ROBO2: variants seen among roughly 807,000 people sequenced by gnomAD.
The protein encoded by ROBO2 is roundabout homolog 2.
A neutral mutation model predicts 160.8 loss-of-function variants in ROBO2; 53 were observed. The observed-to-expected ratio is 0.33, with a 90% CI of 0.26 to 0.41. ROBO2 has a LOEUF of 0.41. Ranked by LOEUF, ROBO2 falls within the 10% of genes least tolerant of loss-of-function variation. The probability of loss-of-function intolerance (pLI) is 1.00; values close to 1 mark genes in which losing one functional copy is unlikely to be tolerated. For missense variants in ROBO2, 1,577 were observed against 1,722.4 expected, an observed-to-expected ratio of 0.92 and a Z score of 1.49; for synonymous variants, 664 against 611.7, an observed-to-expected ratio of 1.09 and a Z score of -1.26.
chr3:77,409,139 T>C (rs1367356850), intron 2 of ROBO2, among the ~76,000 whole-genome samples: 1 of 149,534 alleles, frequency 6.7e-6, no homozygotes, highest in Non-Finnish European at 1.5e-5. Flanking sequence ...TTACTGAGGT[T>C]AAAATCATTT....
chr3:76,739,584 A>G (rs892470092), intron 2 of ROBO2, among the ~76,000 whole-genome samples: 1 of 152,010 alleles, frequency 6.6e-6, no homozygotes, highest in East Asian at 1.9e-4. Flanking sequence ...TATGTAACTG[A>G]CCTGCACGTT....
At chr3:77,055,754 T>C (rs2065678096) in intron 1 of ROBO2, among the ~76,000 whole-genome samples, 1 of 151,962 alleles carries the variant, frequency 6.6e-6, no homozygotes, top group African/African-American at 2.4e-5. Flanking sequence ...CACCCATTCC[T>C]GATTGGTTTA....
At chr3:76,622,687 A>G (rs563174327) in intron 2 of ROBO2, among the ~76,000 whole-genome samples, 162 of 152,234 alleles carry the variant, frequency 1.1e-3, no homozygotes, top group African/African-American at 3.6e-3. Flanking sequence ...GGATCTCCCC[A>G]AATGTGCTGT....
chr3:76,791,006 C>A lies in ROBO2; in HGVS notation c.110-307008C>A, dbSNP rs766381991. On this transcript the variant is annotated intron_variant, in intron 2 of 26. Transcript: ENST00000487694. Reference sequence around the variant, plus strand: ...TACTTGAGATGAAACAGGTAAAAGGCAAAGAAAAGTTTCAGCAAATGTTCT... The same window carrying A: ...TACTTGAGATGAAACAGGTAAAAGGAAAAGAAAAGTTTCAGCAAATGTTCT... Among the ~76,000 whole-genome samples, 52 of 151,660 alleles carry A rather than the reference C, an allele frequency of 3.4e-4. 1 individual carries two copies. The highest frequency in any genetic ancestry group is 6.8e-4 in the Non-Finnish European group (46 of 67,782).
intron 20 of ROBO2, among the ~76,000 whole-genome samples, chr3:77,604,267 T>C (rs2094485007): frequency 6.6e-6 from 1 of 152,200 alleles, no homozygotes; most frequent in Admixed American, 6.5e-5. Flanking sequence ...TAGACTGCCA[T>C]TTATTTATAA....
At chr3:76,389,562 G>A (rs1056907435) in intron 2 of ROBO2, among the ~76,000 whole-genome samples, 1 of 152,264 alleles carries the variant, frequency 6.6e-6, no homozygotes, top group Admixed American at 6.5e-5. Context: ...GCACTCTTCA[G>A]CCTATGTGCT....
intron 2 of ROBO2, among the ~76,000 whole-genome samples, chr3:77,342,876 T>C (rs942967238): frequency 6.6e-6 from 1 of 152,182 alleles, no homozygotes; most frequent in Non-Finnish European, 1.5e-5. Context: ...CTCAGGCTAG[T>C]GTAACAGAAT....
intron 2 of ROBO2, among the ~76,000 whole-genome samples, chr3:76,010,711 T>C (rs2066168938): frequency 6.6e-6 from 1 of 152,242 alleles, no homozygotes; most frequent in Non-Finnish European, 1.5e-5. Context: ...TTTTATCCTA[T>C]TAAGATGTTG....
intron 2 of ROBO2, among the ~76,000 whole-genome samples, chr3:77,459,569 A>T (rs1225191830): frequency 6.6e-6 from 1 of 152,222 alleles, no homozygotes; most frequent in African/African-American, 2.4e-5. Flanking sequence ...AAACAAGAAT[A>T]CTTTTACACA....
chr3:76,545,487 A>C (rs1337430961), intron 2 of ROBO2, among the ~76,000 whole-genome samples: 1 of 151,960 alleles, frequency 6.6e-6, no homozygotes, highest in East Asian at 1.9e-4. Context: ...TTACTGGGGA[A>C]ACTGAGATGA....
chr3:76,384,516 G>T lies in ROBO2; in HGVS notation c.109+446914G>T, dbSNP rs1430574761. ...TTTAAAAATCAAAACCGAAATTTTGGTATTAGTGTGTGTGCATGTATTAGT... is the reference window on the plus strand; with the variant it reads ...TTTAAAAATCAAAACCGAAATTTTGTTATTAGTGTGTGTGCATGTATTAGT... On this transcript the variant is annotated intron_variant, in intron 2 of 26. Transcript: ENST00000487694. Among the ~76,000 whole-genome samples the T allele has an allele frequency of 2.0e-5, 3 of 152,132 alleles. No homozygotes were observed. In the East Asian group the frequency reaches 5.8e-4, roughly 29 times the overall value.
rs1160261226 is a variant in ROBO2 at position 76,730,217 on chromosome 3, T to TC, written c.110-367794dup. On this transcript the variant is annotated intron_variant, in intron 2 of 26. Coordinates refer to the ROBO2 transcript ENST00000487694. ...CTACTCGCTTGTCCTCACCTCCTAC[T>TC]CCCTACCCACCTCTCCTCACCTCCT... is the stretch of plus-strand genomic sequence containing the variant. 1.3e-4 allele frequency among the ~76,000 whole-genome samples: 11 copies of TC among 83,438 alleles called. No individual in the cohort carries two copies. In the Admixed American group the frequency reaches 1.3e-3, roughly 10 times the overall value. The allele number at this position is 83,438 out of a possible 152,430, so 54.7% of individuals were successfully genotyped here. A position where few individuals can be genotyped will look rare whatever the true frequency, so the allele number is the denominator to read the frequency against.
chr3:76,284,803 C>T (rs1433231411), intron 2 of ROBO2, among the ~76,000 whole-genome samples: 8 of 152,078 alleles, frequency 5.3e-5, no homozygotes, highest in African/African-American at 9.7e-5. Flanking sequence ...ATTTTCCCCA[C>T]GTTCAAACTG....
chr3:75,985,268 G>A (rs1167585444), intron 2 of ROBO2, among the ~76,000 whole-genome samples: 1 of 151,354 alleles, frequency 6.6e-6, no homozygotes, highest in Admixed American at 6.6e-5. Flanking sequence ...GAAGACAGAG[G>A]TGGTAACTTT....
intron 2 of ROBO2, among the ~76,000 whole-genome samples, chr3:76,080,243 C>G (rs576841838): frequency 1.2e-4 from 18 of 152,260 alleles, no homozygotes; most frequent in Middle Eastern, 6.8e-3. Context: ...GCGTACTGAC[C>G]ACCAGAAAAA....
intron 2 of ROBO2, among the ~76,000 whole-genome samples, chr3:76,211,643 G>C (rs1458024239): frequency 6.6e-6 from 1 of 152,008 alleles, no homozygotes; most frequent in Non-Finnish European, 1.5e-5. Flanking sequence ...ATCTACAGAA[G>C]CTGTGTGTCC....
intron 2 of ROBO2, among the ~76,000 whole-genome samples, chr3:76,674,544 A>T (rs995652473): frequency 6.6e-6 from 1 of 151,746 alleles, no homozygotes; most frequent in African/African-American, 2.4e-5. Flanking sequence ...AAAGATAGAA[A>T]GTGAGAATTT....
intron 2 of ROBO2, among the ~76,000 whole-genome samples, chr3:76,459,332 A>G (rs2077959362): frequency 6.6e-6 from 1 of 152,224 alleles, no homozygotes; most frequent in South Asian, 2.1e-4. Flanking sequence ...CAGACTTATA[A>G]AATTTCAACG....
intron 2 of ROBO2, among the ~76,000 whole-genome samples, chr3:77,269,983 T>G (rs201185449): frequency 1.3e-5 from 2 of 152,138 alleles, no homozygotes; most frequent in East Asian, 3.9e-4. Flanking sequence ...CATGAAGTAT[T>G]TAAAATAAAA....
Sources: gnomAD v4.1 joint callset for allele counts (sites outside exome capture counted in the v4.1 genomes callset) on GRCh38, gnomAD v4.1.1 for gene constraint, MANE v1.5 for transcripts, NCBI Gene and HGNC (gene_info 2026-07-23, HGNC 2026-07-21) for gene names.